Variants in SLC44A5 observed in about 807,000 individuals in gnomAD.
The protein encoded by SLC44A5 is choline transporter-like protein 5.
A neutral mutation model predicts 101.8 loss-of-function variants in SLC44A5; 57 were observed. That is an observed-to-expected ratio of 0.56 (90% CI 0.45 to 0.70). The LOEUF (loss-of-function observed/expected upper bound fraction) is 0.70, where lower values mean the gene tolerates loss of function less well. SLC44A5 is among the 30% of genes least tolerant of loss of function. SLC44A5 has a pLI of 0.00. For missense variants in SLC44A5, 737 were observed against 853.1 expected (o/e 0.86, Z 1.70); for synonymous variants, 281 against 290.9 (o/e 0.97, Z 0.35).
At chr1:75,394,729 C>T (rs180965423) in intron 3 of SLC44A5, among the ~76,000 whole-genome samples, 1 of 152,072 alleles carries the variant, frequency 6.6e-6, no homozygotes, top group East Asian at 1.9e-4. Context: ...CACAGTTAAG[C>T]TTTCTTTAAT....
intron 14 of SLC44A5, among the ~76,000 whole-genome samples, chr1:75,220,786 T>C (rs1279216668): frequency 6.6e-6 from 1 of 152,124 alleles, no homozygotes; most frequent in South Asian, 2.1e-4. Context: ...TCCTAATGCA[T>C]TGATGCTTAG....
intron 2 of SLC44A5, among the ~76,000 whole-genome samples, chr1:75,519,167 G>A (rs1423269369): frequency 6.6e-6 from 1 of 151,952 alleles, no homozygotes; most frequent in Non-Finnish European, 1.5e-5. Context: ...TCTCAACAAA[G>A]GGCAATAGAC....
At chr1:75,332,201 T>C (rs908213770) in intron 4 of SLC44A5, among the ~76,000 whole-genome samples, 12 of 152,208 alleles carry the variant, frequency 7.9e-5, no homozygotes, top group South Asian at 2.1e-4. Context: ...GAATAATTGG[T>C]ATATTTTCTT....
At chr1:75,664,073 T>C in the SLC44A5 span, among the ~76,000 whole-genome samples, 1 of 152,006 alleles carries the variant, frequency 6.6e-6, no homozygotes, top group Non-Finnish European at 1.5e-5. Flanking sequence ...ATTATTTCAA[T>C]AGACACAGAA....
intron 4 of SLC44A5, among the ~76,000 whole-genome samples, chr1:75,304,294 GT>G (rs1654744767): frequency 8.2e-4 from 5 of 6,114 alleles, no homozygotes; most frequent in African/African-American, 4.5e-3. Context: ...TTTTAAATAG[GT>G]GTGTGTGTGT....
intron 1 of SLC44A5, among the ~76,000 whole-genome samples, chr1:75,543,391 C>A (rs1671458202): frequency 6.6e-6 from 1 of 151,854 alleles, no homozygotes; most frequent in South Asian, 2.1e-4. Context: ...CATTCCTCTC[C>A]ACCAAACCAT....
intron 6 of SLC44A5, among the ~76,000 whole-genome samples, chr1:75,268,198 C>T (rs1430365764): frequency 6.6e-6 from 1 of 152,160 alleles, no homozygotes; most frequent in African/African-American, 2.4e-5. Context: ...TAGGGTCACT[C>T]ATGCCTCAGG....
intron 1 of SLC44A5, among the ~76,000 whole-genome samples, chr1:75,603,318 C>G (rs1350947748): frequency 6.7e-6 from 1 of 148,548 alleles, no homozygotes; most frequent in East Asian, 2.0e-4. Flanking sequence ...TGATTTTGTT[C>G]TTTTTTTGGC....
chr1:75,660,241 C>A, the SLC44A5 span, among the ~76,000 whole-genome samples: 4 of 152,098 alleles, frequency 2.6e-5, no homozygotes, highest in African/African-American at 7.2e-5. Flanking sequence ...ACAAAATGAT[C>A]ATTTCAGTAC....
chr1:75,649,812 TC>T, the SLC44A5 span, among the ~76,000 whole-genome samples: 1 of 152,294 alleles, frequency 6.6e-6, no homozygotes, highest in African/African-American at 2.4e-5. Flanking sequence ...TCTCACCTAT[TC>T]TGGAGCAGAG....
At chr1:75,700,316 A>G in the SLC44A5 span, among the ~76,000 whole-genome samples, 34 of 152,220 alleles carry the variant, frequency 2.2e-4, no homozygotes, top group African/African-American at 8.0e-4. Context: ...CTCTCAGACC[A>G]CAGTGCAATC....
At chr1:75,332,867 A>G (rs527323572) in intron 4 of SLC44A5, among the ~76,000 whole-genome samples, 4 of 152,340 alleles carry the variant, frequency 2.6e-5, no homozygotes, top group Non-Finnish European at 5.9e-5. Context: ...TATAAATTCT[A>G]AAGTGTTGTT....
chr1:75,551,460 A>C (rs992135438), intron 1 of SLC44A5, among the ~76,000 whole-genome samples: 2 of 152,204 alleles, frequency 1.3e-5, no homozygotes, highest in African/African-American at 4.8e-5. Flanking sequence ...TATTTCCCCA[A>C]GCTTTCTCTC....
intron 17 of SLC44A5, 142 bp from the exon 18 acceptor site, chr1:75,218,102 TAA>T: frequency 3.1e-6 from 2 of 642,562 alleles, no homozygotes; most frequent in Admixed American, 5.9e-5. Context: ...TTTAGATTGA[TAA>T]AAGTCTCTAT....
the SLC44A5 span, among the ~76,000 whole-genome samples, chr1:75,723,239 C>T: frequency 6.6e-5 from 10 of 152,188 alleles, no homozygotes; most frequent in Non-Finnish European, 4.4e-5. Flanking sequence ...TAGCGAGCGG[C>T]AACCTTTCTG....
intron 22 of SLC44A5, among the ~76,000 whole-genome samples, chr1:75,213,391 G>A (rs532594037): frequency 5.3e-4 from 80 of 152,166 alleles, no homozygotes; most frequent in Non-Finnish European, 8.2e-4. Flanking sequence ...TTCATTTGCC[G>A]AAGCCCTAAG....
At chr1:75,341,766 G>A (rs1657902125) in intron 3 of SLC44A5, among the ~76,000 whole-genome samples, 1 of 152,080 alleles carries the variant, frequency 6.6e-6, no homozygotes, top group African/African-American at 2.4e-5. Flanking sequence ...TCACTCTGAT[G>A]TTGAACAGTA....
chr1:75,678,486 C>T, the SLC44A5 span, among the ~76,000 whole-genome samples: 4 of 151,616 alleles, frequency 2.6e-5, no homozygotes, highest in African/African-American at 9.7e-5. Context: ...TGGGAGGCAC[C>T]CTCCAGCAGG....
chr1:75,353,238 C>A (rs771966559), intron 3 of SLC44A5, among the ~76,000 whole-genome samples: 1 of 152,188 alleles, frequency 6.6e-6, no homozygotes, highest in African/African-American at 2.4e-5. Flanking sequence ...CTCAAGTAAT[C>A]CAAGTTCAGA....
Sources: gnomAD v4.1 joint callset for allele counts (sites outside exome capture counted in the v4.1 genomes callset) on GRCh38, gnomAD v4.1.1 for gene constraint, MANE v1.5 for transcripts, NCBI Gene and HGNC (gene_info 2026-07-23, HGNC 2026-07-21) for gene names.